Variants in RALYL observed in about 807,000 individuals in gnomAD.
The protein encoded by RALYL is RNA-binding Raly-like protein.
RALYL carries 29 observed loss-of-function variants against 35.1 expected under a neutral mutation model. The observed-to-expected ratio is 0.83, with a 90% confidence interval of 0.61 to 1.13. The LOEUF is 1.13. Among genes scored for constraint, RALYL ranks in the 50% most tolerant of loss-of-function variants. The probability of loss-of-function intolerance (pLI) is 0.00; values close to 1 mark genes in which losing one functional copy is unlikely to be tolerated. For missense variants in RALYL, 359 were observed against 360.4 expected (o/e 1.00, Z 0.03); for synonymous variants, 120 against 127.6 (o/e 0.94, Z 0.40).
intron 2 of RALYL, among the ~76,000 whole-genome samples, chr8:84,711,063 A>G (rs1384678700): frequency 1.3e-5 from 2 of 152,184 alleles, no homozygotes; most frequent in Non-Finnish European, 2.9e-5. Flanking sequence ...ACCCTAAAGA[A>G]GGAGGAAATT....
chr8:84,339,980 G>A (rs184887278), intron 1 of RALYL, among the ~76,000 whole-genome samples: 1 of 152,064 alleles, frequency 6.6e-6, no homozygotes, highest in Non-Finnish European at 1.5e-5. Context: ...TAATCATGGG[G>A]ATGGGTTTTT....
rs1423803749 is a variant in RALYL at position 84,704,444 on chromosome 8, C to CAG, written c.257-70133_257-70132dup. ...TATACCACCAGCCCCCCAATACACA[C>CAG]AGACACACACACACACACACACACA... is the stretch of plus-strand genomic sequence containing the variant. On this transcript the variant is annotated intron_variant, in intron 2 of 8. Coordinates refer to ENST00000521268, the MANE Select transcript of RALYL (RefSeq NM_173848.7). 6.4e-3 allele frequency among the ~76,000 whole-genome samples: 874 copies of CAG among 136,472 alleles called. 9 individuals carry two copies. The highest frequency in any genetic ancestry group is 0.024 in the African/African-American group (813 of 33,546). The allele number at this position is 136,472 out of a possible 152,430, so 89.5% of individuals were successfully genotyped here. A position where few individuals can be genotyped will look rare whatever the true frequency, so the allele number is the denominator to read the frequency against.
At chr8:84,295,753 A>G (rs1313522071) in intron 1 of RALYL, among the ~76,000 whole-genome samples, 1 of 152,176 alleles carries the variant, frequency 6.6e-6, no homozygotes, top group Non-Finnish European at 1.5e-5. Context: ...TGTCAAATTC[A>G]TAATCACATT....
chr8:84,633,293 G>C (rs894110437), intron 2 of RALYL, among the ~76,000 whole-genome samples: 1 of 151,688 alleles, frequency 6.6e-6, no homozygotes, highest in African/African-American at 2.4e-5. Context: ...CACCCAGATA[G>C]AGTTTGGACA....
chr8:84,757,572 T>G (rs1467725743), intron 2 of RALYL, among the ~76,000 whole-genome samples: 2 of 152,134 alleles, frequency 1.3e-5, no homozygotes, highest in African/African-American at 4.8e-5. Flanking sequence ...ACACTTCCAT[T>G]TAAAAGAACT....
At chr8:84,695,879 T>C (rs1839027083) in intron 2 of RALYL, among the ~76,000 whole-genome samples, 2 of 151,870 alleles carry the variant, frequency 1.3e-5, no homozygotes, top group South Asian at 2.1e-4. Flanking sequence ...TAATGCTTAA[T>C]TATTGTTACC....
At chr8:84,436,821 A>G (rs1229185611) in intron 1 of RALYL, among the ~76,000 whole-genome samples, 2 of 151,268 alleles carry the variant, frequency 1.3e-5, no homozygotes, top group African/African-American at 4.9e-5. Flanking sequence ...TTTTGTTGTA[A>G]GGACATTTAA....
intron 2 of RALYL, among the ~76,000 whole-genome samples, chr8:84,598,490 T>G (rs1357192344): frequency 6.6e-6 from 1 of 152,176 alleles, no homozygotes; most frequent in Non-Finnish European, 1.5e-5. Context: ...TATCGATTTG[T>G]GCTTGTGTCT....
At chr8:84,842,439 A>C (rs1217204690) in intron 4 of RALYL, among the ~76,000 whole-genome samples, 1 of 152,240 alleles carries the variant, frequency 6.6e-6, no homozygotes, top group Non-Finnish European at 1.5e-5. Flanking sequence ...ATCTCTGAAT[A>C]GACCAATAAC....
At chr8:84,241,289 C>G (rs2131566644) in intron 1 of RALYL, among the ~76,000 whole-genome samples, 1 of 152,182 alleles carries the variant, frequency 6.6e-6, no homozygotes, top group Non-Finnish European at 1.5e-5. Flanking sequence ...TCTCTGCTTC[C>G]TCCTGGTTTG....
chr8:84,514,880 A>C (rs2057934217), intron 1 of RALYL, among the ~76,000 whole-genome samples: 1 of 152,128 alleles, frequency 6.6e-6, no homozygotes, highest in Admixed American at 6.5e-5. Context: ...TCCTCTAGAG[A>C]GCTCTTATAG....
intron 2 of RALYL, among the ~76,000 whole-genome samples, chr8:84,558,220 A>G (rs1588167993): frequency 6.6e-6 from 1 of 152,256 alleles, no homozygotes; most frequent in East Asian, 1.9e-4. Flanking sequence ...CCTTTACAAG[A>G]ATTGTGCTTT....
chr8:84,693,837 C>G (rs1000219294), intron 2 of RALYL, among the ~76,000 whole-genome samples: 1 of 151,394 alleles, frequency 6.6e-6, no homozygotes, highest in Non-Finnish European at 1.5e-5. Context: ...TGTGATTCAC[C>G]GTATTAACAT....
chr8:84,828,596 T>G (rs560667974), intron 4 of RALYL: 1 of 166,772 alleles, frequency 6.0e-6, no homozygotes, highest in East Asian at 1.9e-4. Context: ...CTCTGACATA[T>G]GTAGTTTTCT....
intron 1 of RALYL, among the ~76,000 whole-genome samples, chr8:84,401,853 A>G (rs1441109392): frequency 6.6e-6 from 1 of 151,230 alleles, no homozygotes; most frequent in Admixed American, 6.6e-5. Context: ...AAGGACTTTA[A>G]TTTCTGGATT....
intron 2 of RALYL, among the ~76,000 whole-genome samples, chr8:84,532,866 T>C (rs2059363030): frequency 6.6e-6 from 1 of 152,058 alleles, no homozygotes; most frequent in Non-Finnish European, 1.5e-5. Context: ...CATAATTTAA[T>C]TTACTTTCTT....
At chr8:84,531,000 G>A (rs1276139915) in intron 2 of RALYL, among the ~76,000 whole-genome samples, 1 of 152,070 alleles carries the variant, frequency 6.6e-6, no homozygotes, top group Non-Finnish European at 1.5e-5. Context: ...TTTACCTCCA[G>A]TGAGAGGCCT....
chr8:84,440,235 A>T (rs2048187047), intron 1 of RALYL, among the ~76,000 whole-genome samples: 1 of 152,050 alleles, frequency 6.6e-6, no homozygotes, highest in South Asian at 2.1e-4. Flanking sequence ...CTTTATGCAA[A>T]TATTTTCTTT....
Position 84,742,865 on chromosome 8 carries a change from G to A in RALYL, c.257-31714G>A, listed in dbSNP as rs114649753. The stretch of plus-strand genomic sequence containing the variant: ...ATACGGTTTAAATCAAGAAAGGATA[G>A]TTGTCCTAATTTCTTTGTGCTCATA... On this transcript the variant is annotated intron_variant, in intron 2 of 8. Transcript: ENST00000521268. 7.3e-3 allele frequency among the ~76,000 whole-genome samples: 1,105 copies of A among 152,086 alleles called. 20 individuals carry two copies. The highest frequency in any genetic ancestry group is 0.025 in the African/African-American group (1,039 of 41,498).
Sources: allele counts gnomAD v4.1 joint callset (sites outside exome capture counted in the v4.1 genomes callset), GRCh38; gene constraint gnomAD v4.1.1; transcripts MANE v1.5; gene names NCBI Gene and HGNC (gene_info 2026-07-23, HGNC 2026-07-21).